The following RBFOX3 variants were observed in gnomAD, a reference collection of about 807,000 sequenced individuals.
RBFOX3 encodes RNA binding protein fox-1 homolog 3.
RBFOX3 carries 17 observed loss-of-function variants against 48.7 expected under a neutral mutation model. The observed-to-expected ratio is 0.35, with a 90% confidence interval of 0.24 to 0.52. RBFOX3 has a LOEUF of 0.52. Among genes scored for constraint, RBFOX3 ranks in the 20% least tolerant of loss-of-function variants. The probability of loss-of-function intolerance (pLI) is 0.94; values close to 1 mark genes in which losing one functional copy is unlikely to be tolerated. For synonymous variants in RBFOX3, 212 were observed against 209.5 expected, an observed-to-expected ratio of 1.01 and a Z score of -0.10; for missense variants, 382 against 497.5, an observed-to-expected ratio of 0.77 and a Z score of 2.21.
the RBFOX3 span, among the ~76,000 whole-genome samples, chr17:79,654,933 C>T: frequency 6.6e-6 from 1 of 152,232 alleles, no homozygotes; most frequent in African/African-American, 2.4e-5. Context: ...AGATCTGACT[C>T]CGCGGAAGGA....
At chr17:79,586,529 C>T (rs1383788104) in intron 1 of RBFOX3, among the ~76,000 whole-genome samples, 1 of 152,244 alleles carries the variant, frequency 6.6e-6, no homozygotes, top group Non-Finnish European at 1.5e-5. Flanking sequence ...CTGGTACCCC[C>T]TTCCCCCAGG....
chr17:79,434,422 G>A (rs1555730007), intron 2 of RBFOX3, among the ~76,000 whole-genome samples: 1 of 152,198 alleles, frequency 6.6e-6, no homozygotes, highest in African/African-American at 2.4e-5. Context: ...TACACATGAT[G>A]AAGACCCAGA....
chr17:79,494,640 G>A (rs1275784178), intron 1 of RBFOX3, among the ~76,000 whole-genome samples: 3 of 152,338 alleles, frequency 2.0e-5, no homozygotes, highest in South Asian at 4.1e-4. Flanking sequence ...TTGAAGGAGC[G>A]GGAGGCGTGG....
chr17:79,656,496 C>T, the RBFOX3 span, among the ~76,000 whole-genome samples: 3 of 151,774 alleles, frequency 2.0e-5, no homozygotes, highest in South Asian at 2.1e-4. Flanking sequence ...TGCCTGTAAT[C>T]GCAGCTATTC....
In RBFOX3 at chr17:79,277,045, G is replaced by A. The variant is rs568687226; in HGVS notation, c.-74+30679C>T. Reference sequence around the variant, plus strand: ...TCGGCCTTCTCCAAACTCCAAGGTGGTGGTGCCAGCTCCACTTTTGCCTGG... The same window carrying A: ...TCGGCCTTCTCCAAACTCCAAGGTGATGGTGCCAGCTCCACTTTTGCCTGG... On this transcript the variant is annotated intron_variant, in intron 3 of 14. Transcript: ENST00000693108. 2.0e-5 allele frequency among the ~76,000 whole-genome samples: 3 copies of A among 152,328 alleles called. No individual in the cohort carries two copies. The South Asian group carries it at 6.2e-4, about 32-fold the overall frequency.
chr17:79,113,098 T>TG (rs1254268646), intron 5 of RBFOX3, among the ~76,000 whole-genome samples: 4 of 151,926 alleles, frequency 2.6e-5, no homozygotes, highest in Admixed American at 6.5e-5. Flanking sequence ...CCAGGCTGCT[T>TG]GGGGCAGGGC....
the RBFOX3 span, among the ~76,000 whole-genome samples, chr17:79,621,128 A>G: frequency 6.6e-6 from 1 of 151,734 alleles, no homozygotes; most frequent in African/African-American, 2.4e-5. Context: ...CCTCCCAAGT[A>G]GCTGGGACTA....
chr17:79,155,453 G>A (rs532115963), intron 4 of RBFOX3, among the ~76,000 whole-genome samples: 2 of 152,372 alleles, frequency 1.3e-5, no homozygotes, highest in African/African-American at 4.8e-5. Context: ...ACCTCGGAGC[G>A]GAGCCAGCAT....
chr17:79,442,510 G>A (rs1368195487), intron 2 of RBFOX3, among the ~76,000 whole-genome samples: 2 of 142,586 alleles, frequency 1.4e-5, no homozygotes, highest in African/African-American at 2.5e-5. Context: ...GAGGCGTATG[G>A]TAAGAGCTCC....
intron 1 of RBFOX3, among the ~76,000 whole-genome samples, chr17:79,591,467 C>T (rs955928125): frequency 2.0e-5 from 3 of 152,214 alleles, no homozygotes; most frequent in Non-Finnish European, 4.4e-5. Flanking sequence ...CCTTGGTACA[C>T]ATTTATTGGG....
Position 79,133,825 on chromosome 17 carries a change from G to T in RBFOX3, c.-33-18077C>A, listed in dbSNP as rs572892751. 1.4e-4 allele frequency among the ~76,000 whole-genome samples: 21 copies of T among 152,318 alleles called. No homozygotes were observed. In the South Asian group the frequency reaches 2.9e-3, roughly 21 times the overall value. ...AGGGCCTTGTGAGGACAACGCAACA[G>T]GTCAGCTGTCAAGTGACCCACCAGA... On this transcript the variant is annotated intron_variant, in intron 4 of 14. Coordinates refer to ENST00000693108, the MANE Select transcript of RBFOX3 (RefSeq NM_001350451.2).
intron 3 of RBFOX3, among the ~76,000 whole-genome samples, chr17:79,244,774 CCTTT>C (rs1292164874): frequency 1.1e-4 from 15 of 132,914 alleles, no homozygotes; most frequent in South Asian, 1.0e-3. Flanking sequence ...TTCCTTCCTT[CCTTT>C]ATTCTCCTTC....
At position 79,392,924 on chromosome 17, in the gene RBFOX3, A is replaced by C. The variant is rs2061525763; in HGVS notation, c.-174-85100T>G. 6.6e-6 allele frequency among the ~76,000 whole-genome samples: 1 copy of C among 152,226 alleles called. No homozygotes were observed. The highest frequency in any genetic ancestry group is 2.4e-5 in the African/African-American group (1 of 41,440). On this transcript the variant is annotated intron_variant, in intron 2 of 14. Coordinates refer to ENST00000693108, the MANE Select transcript of RBFOX3 (RefSeq NM_001350451.2). This position sits in a 1 kb window ranked among gnomAD's most constrained non-coding sequence, Gnocchi z 5.0. ...CCTGACATGTACTTACTAAATAGGA[A>C]TATTTATCAGTTAACGAACACACAT...
intron 2 of RBFOX3, among the ~76,000 whole-genome samples, chr17:79,378,786 A>G (rs1460264846): frequency 6.6e-6 from 1 of 152,240 alleles, no homozygotes; most frequent in African/African-American, 2.4e-5. Context: ...TAATCACAGC[A>G]CATTGATCTC....
chr17:79,106,607 G>C, intron 6 of RBFOX3, 44 bp downstream of exon 6: 1 of 1,413,992 alleles, frequency 7.1e-7, no homozygotes, highest in Non-Finnish European at 9.2e-7. Context: ...CCTGGAGCTG[G>C]GGCAGGTGTG....
chr17:79,381,488 G>C (rs139082763), intron 2 of RBFOX3, among the ~76,000 whole-genome samples: 3 of 152,160 alleles, frequency 2.0e-5, no homozygotes, highest in African/African-American at 4.8e-5. Context: ...CCCGGGGCTC[G>C]GGGCTGCCGT....
intron 1 of RBFOX3, among the ~76,000 whole-genome samples, chr17:79,586,740 C>A (rs1280338913): frequency 6.6e-6 from 1 of 152,180 alleles, no homozygotes; most frequent in Non-Finnish European, 1.5e-5. Flanking sequence ...CAGAAGCATC[C>A]TCTCCCGGGT....
intron 2 of RBFOX3, among the ~76,000 whole-genome samples, chr17:79,441,702 C>A (rs1436795487): frequency 6.6e-6 from 1 of 152,194 alleles, no homozygotes; most frequent in Non-Finnish European, 1.5e-5. Context: ...TCAGTTACAG[C>A]AACCCCCAGA....
In RBFOX3 at chr17:79,170,309, G is replaced by A. The variant is rs570040441; in HGVS notation, c.-33-54561C>T. Among the ~76,000 whole-genome samples, 3 of 152,288 alleles carry A rather than the reference G, an allele frequency of 2.0e-5. 1 individual carries two copies. Among genetic ancestry groups the A allele is most frequent in the Admixed American group, 1.3e-4 (2 of 15,300 alleles). ...AGTGTTCATGGCTGGCTGGGGTACC[G>A]GCTCCGGTCCTGCCAAACGGGCCAG... On this transcript the variant is annotated intron_variant, in intron 4 of 14. Coordinates refer to ENST00000693108, the MANE Select transcript of RBFOX3 (RefSeq NM_001350451.2).
Sources: gnomAD v4.1 joint callset for allele counts (sites outside exome capture counted in the v4.1 genomes callset) on GRCh38, gnomAD v4.1.1 for gene constraint, Gnocchi (gnomAD v3.1) non-coding constraint, MANE v1.5 for transcripts, NCBI Gene and HGNC (gene_info 2026-07-23, HGNC 2026-07-21) for gene names.